Variants in TNIP1 observed in about 807,000 individuals in gnomAD.
TNIP1 encodes TNFAIP3-interacting protein 1.
Under a neutral mutation model 86.6 loss-of-function variants are expected in TNIP1, and 22 were observed. The observed-to-expected ratio is 0.25, with a 90% CI of 0.18 to 0.36. The LOEUF (loss-of-function observed/expected upper bound fraction) is 0.36, where lower values mean the gene tolerates loss of function less well. Ranked by LOEUF, TNIP1 falls within the 10% of genes least tolerant of loss-of-function variation. The pLI, the probability that TNIP1 is intolerant of heterozygous loss-of-function variation, is 1.00. For missense variants in TNIP1, 709 were observed against 820.6 expected (o/e 0.86, Z 1.66); for synonymous variants, 294 against 313.0 (o/e 0.94, Z 0.64).
At chr5:151,070,259 C>T (rs771792853) in intron 1 of TNIP1, among the ~76,000 whole-genome samples, 2 of 152,200 alleles carry the variant, frequency 1.3e-5, no homozygotes, top group Non-Finnish European at 2.9e-5. Flanking sequence ...TAACAAGAAA[C>T]ACATCTTTGT....
At chr5:151,076,624 A>G (rs981199737) in intron 1 of TNIP1, among the ~76,000 whole-genome samples, 3 of 151,950 alleles carry the variant, frequency 2.0e-5, no homozygotes, top group Non-Finnish European at 4.4e-5. Context: ...GCCACTGTGC[A>G]CTCTCTTACC....
intron 5 of TNIP1, among the ~76,000 whole-genome samples, chr5:151,057,219 C>T (rs1485878591): frequency 6.6e-6 from 1 of 152,248 alleles, no homozygotes; most frequent in Non-Finnish European, 1.5e-5. Context: ...GAGTGCCTGA[C>T]AGTAAGTCAC....
At chr5:151,044,356 A>T (rs1288896015) in intron 9 of TNIP1, among the ~76,000 whole-genome samples, 1 of 152,140 alleles carries the variant, frequency 6.6e-6, no homozygotes, top group African/African-American at 2.4e-5. Context: ...TAATTTTTTA[A>T]AAAAGAAAAG....
At chr5:151,056,467 C>T (rs1305055073) in intron 6 of TNIP1, among the ~76,000 whole-genome samples, 3 of 152,170 alleles carry the variant, frequency 2.0e-5, no homozygotes, top group Admixed American at 6.5e-5. Context: ...ACCTTTGTTC[C>T]CTCCCTTCCC....
chr5:151,039,288 C>A, intron 11 of TNIP1, 63 bp from the exon 12 acceptor site: 1 of 1,543,146 alleles, frequency 6.5e-7, no homozygotes, highest in Non-Finnish European at 8.7e-7. Context: ...CTCGGATTCT[C>A]TGTCCTGCCT....
chr5:151,065,941 C>A (rs1411526218), intron 1 of TNIP1, among the ~76,000 whole-genome samples: 1 of 152,088 alleles, frequency 6.6e-6, no homozygotes, highest in Non-Finnish European at 1.5e-5. Context: ...TCACTGAAAC[C>A]AGTTGGAAAG....
intron 3 of TNIP1, among the ~76,000 whole-genome samples, chr5:151,062,709 A>T (rs1433240145): frequency 6.6e-6 from 1 of 152,160 alleles, no homozygotes; most frequent in Non-Finnish European, 1.5e-5. Context: ...GAGCTCCTTG[A>T]AGGTAGCTTC....
At chr5:151,033,525 C>A in intron 16 of TNIP1, 83 bp downstream of exon 16, 2 of 958,540 alleles carry the variant, frequency 2.1e-6, no homozygotes, top group Non-Finnish European at 3.1e-6. Flanking sequence ...AGTTTCTGAA[C>A]CCCTCACTTA....
chr5:151,031,485 T>C (rs1027852176), intron 17 of TNIP1, among the ~76,000 whole-genome samples: 1 of 152,040 alleles, frequency 6.6e-6, no homozygotes. Context: ...TTTTCACGAG[T>C]GGACACAGCT....
upstream of TNIP1, among the ~76,000 whole-genome samples, chr5:151,085,942 T>G (rs148544246): frequency 6.6e-6 from 1 of 152,120 alleles, no homozygotes; most frequent in African/African-American, 2.4e-5. Flanking sequence ...ACCCTCTTCT[T>G]CTATGGCCCC....
At chr5:151,063,444 A>G (rs17728260) in intron 3 of TNIP1, among the ~76,000 whole-genome samples, 169 bp downstream of exon 3, 17,319 of 152,206 alleles carry the variant, frequency 0.11, 1,780 homozygotes, top group East Asian at 0.52. Context: ...TCCCTTCCAA[A>G]TCTGACCTTC....
At position 151,033,740 on chromosome 5, in the gene TNIP1, G is replaced by A; in HGVS notation, c.1647C>T (p.Pro549=). The A allele has an allele frequency of 7.3e-7, 1 of 1,365,124 alleles. No individual in the cohort carries two copies. Among genetic ancestry groups the A allele is most frequent in the Non-Finnish European group, 9.5e-7 (1 of 1,050,496 alleles). The allele number at this position is 1,365,124 out of a possible 1,614,324, so 84.6% of individuals were successfully genotyped here. A position where few individuals can be genotyped will look rare whatever the true frequency, so the allele number is the denominator to read the frequency against. Residue 549 remains proline (P), a synonymous_variant, in exon 16 of 18, where the codon CCC becomes CCT. Coordinates refer to ENST00000521591, the MANE Select transcript of TNIP1 (RefSeq NM_006058.5). ...TGGCTGGCATGGGCGGGTAGGCGTA[G>A]GGGTAGGCCCCGCAGAGATGTTCTG... The part of the protein sequence containing the change: ...PHPEHLCGAY[P]YAYPPMPAMV...
chr5:151,066,642 A>G (rs1762265703), intron 1 of TNIP1, among the ~76,000 whole-genome samples: 1 of 152,224 alleles, frequency 6.6e-6, no homozygotes, highest in African/African-American at 2.4e-5. Flanking sequence ...AATGTTTCAG[A>G]TATACAATCT....
At chr5:151,032,504 C>T in intron 16 of TNIP1, 121 bp from the exon 17 acceptor site, 1 of 978,430 alleles carries the variant, frequency 1.0e-6, no homozygotes, top group Non-Finnish European at 1.6e-6. Flanking sequence ...TATAACAACC[C>T]AGGCTGGCAC....
chr5:151,030,832 G>T, intron 17 of TNIP1, 85 bp from the exon 18 acceptor site: 1 of 1,176,354 alleles, frequency 8.5e-7, no homozygotes, highest in Non-Finnish European at 1.2e-6. Context: ...TGCAGGAACA[G>T]TGAAAATAAC....
Position 151,044,573 on chromosome 5 carries a change from C to A in TNIP1, c.936+1288G>T, listed in dbSNP as rs566707183. Among the ~76,000 whole-genome samples the A allele has an allele frequency of 4.6e-5, 7 of 152,068 alleles. No homozygotes were observed. In the East Asian group the frequency reaches 1.3e-3, roughly 29 times the overall value. On this transcript the variant is annotated intron_variant, in intron 9 of 17. Coordinates refer to ENST00000521591, the MANE Select transcript of TNIP1 (RefSeq NM_006058.5). ...AGAAAAAAAGACGCTTATAACAATA[C>A]AAAAAGAAATCTAAAACTAATATGC...
In TNIP1 at chr5:151,030,415, G is replaced by C; in HGVS notation, c.*298C>G. ...CCCACTCTTAGGATTGCTGCTCCTGGAGGCTTCTGCAACGGATGGTGGGTC... is the reference window on the plus strand; with the variant it reads ...CCCACTCTTAGGATTGCTGCTCCTGCAGGCTTCTGCAACGGATGGTGGGTC... On this transcript the variant is annotated 3_prime_UTR_variant, in exon 18 of 18. Transcript: ENST00000521591. The C allele has an allele frequency of 1.9e-6, 1 of 526,606 alleles. No homozygotes were observed. The highest frequency in any genetic ancestry group is 3.4e-6 in the Non-Finnish European group (1 of 290,554). 32.6% of individuals were successfully genotyped at this position (526,606 alleles called of 1,614,324 possible).
In TNIP1 at chr5:151,045,958, G is replaced by A; in HGVS notation, c.847-8C>T. ...ACCTGCCGTCACACTAGCCTGGGGA[G>A]AAGCACAGAGGAGCCTTCACCAAAA... On this transcript the variant is annotated splice_polypyrimidine_tract_variant and splice_region_variant and intron_variant, in intron 8 of 17. Transcript: ENST00000521591. The A allele has an allele frequency of 1.2e-6, 2 of 1,613,710 alleles. No individual in the cohort carries two copies. The highest frequency in any genetic ancestry group is 1.3e-5 in the African/African-American group (1 of 75,008).
In TNIP1 at chr5:151,049,867, T is replaced by G; in HGVS notation, c.803A>C (p.Lys268Thr). 1.2e-6 allele frequency: 2 copies of G among 1,614,202 alleles called. No individual in the cohort carries two copies. Among genetic ancestry groups the G allele is most frequent in the African/African-American group, 1.3e-5 (1 of 75,052 alleles). Residue 268 changes from lysine (K) to threonine (T), a missense_variant, in exon 8 of 18, where the codon AAG (lysine) becomes ACG (threonine). Coordinates refer to ENST00000521591, the MANE Select transcript of TNIP1 (RefSeq NM_006058.5). ...TGCCTTCTTGCCTGTCCCTTCCATC[T>G]TCGGTGAGCCTGGCCGCCCAGACGC... ...EGASGRPGSP[K>T]MEGTGKKAVA...
Sources: gnomAD v4.1 joint callset for allele counts (sites outside exome capture counted in the v4.1 genomes callset) on GRCh38, gnomAD v4.1.1 for gene constraint, MANE v1.5 for transcripts, NCBI Gene and HGNC (gene_info 2026-07-23, HGNC 2026-07-21) for gene names.